ATOSA: variants seen among roughly 807,000 people sequenced by gnomAD.
ATOSA encodes atos homolog protein A.
chr15:52,688,208 T>C, the ATOSA span, among the ~76,000 whole-genome samples: 1 of 152,258 alleles, frequency 6.6e-6, no homozygotes, highest in East Asian at 1.9e-4. Context: ...ATTTGGAATT[T>C]CTTGTAGATG....
chr15:52,612,305 C>A, the ATOSA span, among the ~76,000 whole-genome samples: 1 of 151,932 alleles, frequency 6.6e-6, no homozygotes, highest in Non-Finnish European at 1.5e-5. Flanking sequence ...ATTTATAATG[C>A]AAATTTTCTT....
At chr15:52,675,893 G>A in the ATOSA span, among the ~76,000 whole-genome samples, 4 of 148,702 alleles carry the variant, frequency 2.7e-5, no homozygotes, top group Non-Finnish European at 4.4e-5. Context: ...GCGACAGAGC[G>A]AGACTCCGTC....
At chr15:52,698,714 G>A in the ATOSA span, among the ~76,000 whole-genome samples, 1 of 152,146 alleles carries the variant, frequency 6.6e-6, no homozygotes, top group South Asian at 2.1e-4. Context: ...ACCTTTCAAG[G>A]CACAGACTGA....
the ATOSA span, among the ~76,000 whole-genome samples, chr15:52,638,273 C>A: frequency 1.3e-5 from 2 of 152,182 alleles, no homozygotes; most frequent in African/African-American, 4.8e-5. Context: ...TGCCACTTTT[C>A]AAATTATTTC....
At chr15:52,641,578 C>CCAG in the ATOSA span, among the ~76,000 whole-genome samples, 1 of 152,234 alleles carries the variant, frequency 6.6e-6, no homozygotes, top group Non-Finnish European at 1.5e-5. Context: ...AGAATATCCA[C>CCAG]CAGTTCCTTC....
the ATOSA span, among the ~76,000 whole-genome samples, chr15:52,666,035 C>T: frequency 1.6e-4 from 24 of 152,076 alleles, no homozygotes; most frequent in Non-Finnish European, 3.2e-4. Flanking sequence ...ACACACACCC[C>T]GCCCTGGCAC....
At chr15:52,665,660 G>A in the ATOSA span, among the ~76,000 whole-genome samples, 16 of 152,198 alleles carry the variant, frequency 1.1e-4, no homozygotes, top group African/African-American at 3.6e-4. Flanking sequence ...AAAAGATAAG[G>A]AAATACACCA....
the ATOSA span, among the ~76,000 whole-genome samples, chr15:52,627,872 C>A: frequency 2.0e-5 from 3 of 152,166 alleles, no homozygotes; most frequent in African/African-American, 7.2e-5. Flanking sequence ...ATTCTGCCAT[C>A]TGATTGTGTC....
the ATOSA span, among the ~76,000 whole-genome samples, chr15:52,618,497 G>C: frequency 6.6e-6 from 1 of 152,102 alleles, no homozygotes; most frequent in Non-Finnish European, 1.5e-5. Flanking sequence ...TGGGGAAGAG[G>C]GTGGGGAAAG....
chr15:52,631,782 A>T, the ATOSA span, among the ~76,000 whole-genome samples: 1 of 152,176 alleles, frequency 6.6e-6, no homozygotes, highest in African/African-American at 2.4e-5. Flanking sequence ...CATGGTTCAA[A>T]GTGTGTTTTG....
the ATOSA span, chr15:52,613,757 A>T: frequency 6.2e-7 from 1 of 1,613,794 alleles, no homozygotes; most frequent in Non-Finnish European, 8.5e-7. Flanking sequence ...TTTCTGTTCG[A>T]CCTTTTACAG....
the ATOSA span, chr15:52,678,038 C>G: frequency 1.2e-6 from 2 of 1,614,042 alleles, no homozygotes; most frequent in Admixed American, 1.7e-5. Flanking sequence ...ATCCAATTTT[C>G]GCCCAGAGTG....
the ATOSA span, chr15:52,609,661 A>G: frequency 6.2e-7 from 1 of 1,613,574 alleles, no homozygotes; most frequent in Non-Finnish European, 8.5e-7. Flanking sequence ...ACCTTTTCCC[A>G]CGTTCTCATT....
chr15:52,629,296 A>T, the ATOSA span, among the ~76,000 whole-genome samples: 1 of 152,174 alleles, frequency 6.6e-6, no homozygotes, highest in Admixed American at 6.5e-5. Flanking sequence ...TCGATTATGA[A>T]CAACCTCAAA....
the ATOSA span, among the ~76,000 whole-genome samples, chr15:52,590,955 T>G: frequency 2.6e-4 from 39 of 152,326 alleles, no homozygotes; most frequent in Non-Finnish European, 5.0e-4. Flanking sequence ...CAATACCTAT[T>G]TAACAATCTG....
chr15:52,691,831 G>A, the ATOSA span, among the ~76,000 whole-genome samples: 2 of 144,970 alleles, frequency 1.4e-5, no homozygotes, highest in Non-Finnish European at 3.0e-5. Context: ...CAAGACCTGT[G>A]TCAAAAATAA....
the ATOSA span, among the ~76,000 whole-genome samples, chr15:52,602,492 A>C: frequency 1.3e-5 from 2 of 152,130 alleles, no homozygotes; most frequent in African/African-American, 4.8e-5. Context: ...CTATAAAAAT[A>C]AATCCTCACT....
At chr15:52,618,576 A>C in the ATOSA span, among the ~76,000 whole-genome samples, 1 of 152,208 alleles carries the variant, frequency 6.6e-6, no homozygotes, top group African/African-American at 2.4e-5. Context: ...TGCCTGCAAA[A>C]CTGTAATACA....
chr15:52,610,000 C>T, the ATOSA span: 6 of 1,613,712 alleles, frequency 3.7e-6, no homozygotes, highest in Non-Finnish European at 8.5e-7. Flanking sequence ...AGATTTACTG[C>T]CAGTGCCTGG....
Sources: gnomAD v4.1 joint callset for allele counts (sites outside exome capture counted in the v4.1 genomes callset) on GRCh38, gnomAD v4.1.1 for gene constraint, MANE v1.5 for transcripts, NCBI Gene and HGNC (gene_info 2026-07-23, HGNC 2026-07-21) for gene names.